The following MPP7 variants were observed in gnomAD, a reference collection of about 807,000 sequenced individuals.
MPP7 encodes MAGUK p55 scaffold protein 7.
MPP7 carries 60 observed loss-of-function variants against 76.5 expected under a neutral mutation model. That is an observed-to-expected ratio of 0.78 (90% confidence interval 0.64 to 0.97). The LOEUF is 0.97. MPP7 is among the 50% of genes least tolerant of loss of function. The pLI is 0.00. For missense variants in MPP7, 641 were observed against 694.0 expected (o/e 0.92, Z 0.86); for synonymous variants, 237 against 244.5 (o/e 0.97, Z 0.29).
intron 1 of MPP7, among the ~76,000 whole-genome samples, chr10:28,264,955 C>T (rs73608081): frequency 6.6e-6 from 1 of 152,090 alleles, no homozygotes; most frequent in Non-Finnish European, 1.5e-5. Context: ...TATAAAAATA[C>T]TAATTAGAAG....
intron 11 of MPP7, among the ~76,000 whole-genome samples, chr10:28,117,399 CT>C (rs955588480): frequency 2.6e-5 from 4 of 151,902 alleles, no homozygotes; most frequent in African/African-American, 9.7e-5. Context: ...GAATCAGAAA[CT>C]TTTTTTACAA....
chr10:28,240,789 C>CAA (rs71961090), intron 1 of MPP7, among the ~76,000 whole-genome samples: 2 of 151,358 alleles, frequency 1.3e-5, no homozygotes, highest in African/African-American at 4.8e-5. Flanking sequence ...AATTCAAAGT[C>CAA]AAAAAAAGAC....
At chr10:28,077,918 A>G (rs1451828879) in intron 12 of MPP7, among the ~76,000 whole-genome samples, 1 of 152,192 alleles carries the variant, frequency 6.6e-6, no homozygotes, top group Non-Finnish European at 1.5e-5. Flanking sequence ...CATGTGTGAC[A>G]TGGTTCACAT....
intron 12 of MPP7, among the ~76,000 whole-genome samples, chr10:28,071,534 T>A (rs1048279318): frequency 6.6e-6 from 1 of 152,184 alleles, no homozygotes; most frequent in South Asian, 2.1e-4. Context: ...ATAATAAATA[T>A]GCCATAATAC....
At chr10:28,315,862 A>G (rs1198896499) in intron 2 of MPP7, among the ~76,000 whole-genome samples, 1 of 152,152 alleles carries the variant, frequency 6.6e-6, no homozygotes, top group Non-Finnish European at 1.5e-5. Context: ...ATCAAGGTCA[A>G]CATCAACAGT....
chr10:28,203,496 T>TAAA (rs72465209), intron 2 of MPP7, among the ~76,000 whole-genome samples: 4,816 of 129,738 alleles, frequency 0.037, 209 homozygotes, highest in African/African-American at 0.1. Flanking sequence ...AAACAGTCTT[T>TAAA]AAAAAAAAAA....
chr10:28,113,326 G>A (rs1336397301), intron 11 of MPP7, among the ~76,000 whole-genome samples: 4 of 152,128 alleles, frequency 2.6e-5, no homozygotes, highest in Admixed American at 2.0e-4. Flanking sequence ...GGCCCTGCGA[G>A]GTATACTGCT....
chr10:28,165,745 C>T (rs1459034373), intron 3 of MPP7, among the ~76,000 whole-genome samples: 2 of 152,076 alleles, frequency 1.3e-5, no homozygotes. Context: ...AGTGTCCTGG[C>T]CAGGCGTGGT....
At chr10:28,246,744 A>G (rs532390756) in intron 1 of MPP7, among the ~76,000 whole-genome samples, 3 of 152,164 alleles carry the variant, frequency 2.0e-5, no homozygotes, top group Non-Finnish European at 4.4e-5. Context: ...CAAAAAGAGC[A>G]TGGTGGAAAC....
chr10:28,273,552 C>T (rs1434677267), intron 1 of MPP7, among the ~76,000 whole-genome samples: 1 of 152,154 alleles, frequency 6.6e-6, no homozygotes, highest in Non-Finnish European at 1.5e-5. Flanking sequence ...AACATTCTAC[C>T]CACTCTCACA....
chr10:28,330,433 A>G (rs1451671523), intron 1 of MPP7, among the ~76,000 whole-genome samples: 1 of 152,218 alleles, frequency 6.6e-6, no homozygotes, highest in Non-Finnish European at 1.5e-5. Flanking sequence ...TGCCCAACTT[A>G]GCAAGATCTC....
chr10:28,095,544 TC>T (rs1853529008), intron 11 of MPP7, among the ~76,000 whole-genome samples: 1 of 152,102 alleles, frequency 6.6e-6, no homozygotes, highest in African/African-American at 2.4e-5. Flanking sequence ...CTTAGTTAAG[TC>T]TAAGCTTAAG....
At chr10:28,293,926 G>A (rs1460836203) in intron 1 of MPP7, among the ~76,000 whole-genome samples, 1 of 152,208 alleles carries the variant, frequency 6.6e-6, no homozygotes, top group Admixed American at 6.5e-5. Context: ...TTTCACTAAT[G>A]AAAGGATAGC....
At chr10:28,168,876 C>A (rs1336715372) in intron 3 of MPP7, among the ~76,000 whole-genome samples, 1 of 152,152 alleles carries the variant, frequency 6.6e-6, no homozygotes, top group African/African-American at 2.4e-5. Flanking sequence ...ATATTCATAA[C>A]CCATCTAAAA....
intron 13 of MPP7, among the ~76,000 whole-genome samples, chr10:28,065,666 C>T (rs1157053526): frequency 2.0e-5 from 3 of 152,246 alleles, no homozygotes; most frequent in African/African-American, 4.8e-5. Flanking sequence ...CCCAAAATAG[C>T]TGTCCTGGGG....
rs377003599 is a variant in MPP7 at position 28,248,012 on chromosome 10, TGAACA to T, written c.-131-9282_-131-9278del. On this transcript the variant is annotated intron_variant, in intron 1 of 16. Transcript: ENST00000683449. ...ATTTTCATTTCTACAGTGAAACAAATGAACAGAAAAGGGGAAAAGTTAACATTTCC... is the reference window on the plus strand; with the variant it reads ...ATTTTCATTTCTACAGTGAAACAAATGAAAAGGGGAAAAGTTAACATTTCC... Among the ~76,000 whole-genome samples the T allele has an allele frequency of 7.5e-4, 114 of 152,180 alleles. 1 individual carries two copies. Among genetic ancestry groups the T allele is most frequent in the African/African-American group, 2.6e-3 (106 of 41,524 alleles).
chr10:28,240,466 A>G lies in MPP7; in HGVS notation c.-131-1731T>C, dbSNP rs149401607. ...TATTTTAGACCAGACTATCTGCTGT[A>G]ATACCTTGAATTTTCCTTTATGTTA... On this transcript the variant is annotated intron_variant, in intron 1 of 16. Coordinates refer to ENST00000683449, the MANE Select transcript of MPP7 (RefSeq NM_001318170.2). 2.8e-4 allele frequency among the ~76,000 whole-genome samples: 43 copies of G among 152,286 alleles called. No individual in the cohort carries two copies. In the East Asian group the frequency reaches 7.3e-3, roughly 26 times the overall value.
At chr10:28,099,295 C>T (rs1430251492) in intron 11 of MPP7, among the ~76,000 whole-genome samples, 1 of 152,130 alleles carries the variant, frequency 6.6e-6, no homozygotes, top group Non-Finnish European at 1.5e-5. Context: ...TACGTTACCA[C>T]CTGTAATTTT....
At chr10:28,098,965 T>C (rs1334167580) in intron 11 of MPP7, among the ~76,000 whole-genome samples, 1 of 152,174 alleles carries the variant, frequency 6.6e-6, no homozygotes, top group East Asian at 1.9e-4. Context: ...ACTAATAAAA[T>C]GGATAAAAAT....
Sources: allele counts gnomAD v4.1 joint callset (sites outside exome capture counted in the v4.1 genomes callset), GRCh38; gene constraint gnomAD v4.1.1; transcripts MANE v1.5; gene names NCBI Gene and HGNC (gene_info 2026-07-23, HGNC 2026-07-21).